The following LAMA3 variants were observed in gnomAD, a reference collection of about 807,000 sequenced individuals.
The protein encoded by LAMA3 is laminin subunit alpha 3.
Under a neutral mutation model 402.0 loss-of-function variants are expected in LAMA3, and 281 were observed. That is an observed-to-expected ratio of 0.70 (90% CI 0.63 to 0.77). The LOEUF is 0.77. LAMA3 is among the 30% of genes least tolerant of loss of function. The pLI, the probability that LAMA3 is intolerant of heterozygous loss-of-function variation, is 0.00. For missense variants in LAMA3, 3,840 were observed against 4,215.5 expected (o/e 0.91, Z 2.47); for synonymous variants, 1,431 against 1,558.4 (o/e 0.92, Z 1.93).
intron 12 of LAMA3, among the ~76,000 whole-genome samples, chr18:23,806,194 C>T (rs1319956504): frequency 1.3e-5 from 2 of 152,230 alleles, no homozygotes; most frequent in African/African-American, 4.8e-5. Flanking sequence ...ACTTGGCTGC[C>T]ACCAACCTGG....
At chr18:23,790,522 T>C (rs542336774) in intron 12 of LAMA3, among the ~76,000 whole-genome samples, 2 of 152,368 alleles carry the variant, frequency 1.3e-5, no homozygotes, top group African/African-American at 2.4e-5. Context: ...GGATTTTATC[T>C]GTGCTTCTGA....
At chr18:23,724,749 T>C (rs1353166429) in intron 2 of LAMA3, among the ~76,000 whole-genome samples, 1 of 152,234 alleles carries the variant, frequency 6.6e-6, no homozygotes, top group African/African-American at 2.4e-5. Context: ...GGCAAGCATA[T>C]ATAAGGAAAA....
chr18:23,750,656 G>T (rs1051750338), intron 4 of LAMA3, among the ~76,000 whole-genome samples: 4 of 151,806 alleles, frequency 2.6e-5, no homozygotes, highest in African/African-American at 9.7e-5. Context: ...ATAGAACAAA[G>T]GCTTTGAAAA....
At position 23,939,300 on chromosome 18, in the gene LAMA3, C is replaced by T. The variant is rs748453919; in HGVS notation, c.8940C>T (p.Thr2980=). ...ATGCTTGCTCACCACTTCCCAAGACCCAGGCCAATCATGGAGCCCTCCAGT... is the reference window on the plus strand; with the variant it reads ...ATGCTTGCTCACCACTTCCCAAGACTCAGGCCAATCATGGAGCCCTCCAGT... ...WQDACSPLPK[T]QANHGALQFG... Residue 2980 remains threonine (T), a synonymous_variant, in exon 68 of 75, where the codon ACC becomes ACT. Coordinates refer to ENST00000313654, the MANE Select transcript of LAMA3 (RefSeq NM_198129.4). 4.8e-5 allele frequency: 78 copies of T among 1,614,188 alleles called. No individual in the cohort carries two copies. In the East Asian group the frequency reaches 1.4e-3, roughly 30 times the overall value.
chr18:23,731,781 G>A (rs1394172876), intron 2 of LAMA3, among the ~76,000 whole-genome samples: 1 of 39,410 alleles, frequency 2.5e-5, no homozygotes, highest in Non-Finnish European at 1.1e-4. Context: ...AGGGAGGGAG[G>A]GGAAAGGGTT....
At chr18:23,931,567 G>A (rs2082165285) in intron 65 of LAMA3, 1 of 224,586 alleles carries the variant, frequency 4.5e-6, no homozygotes, top group African/African-American at 2.3e-5. Flanking sequence ...AAATTGTGGT[G>A]TATTCAAATG....
At chr18:23,887,700 A>G (rs911557359) in intron 41 of LAMA3, among the ~76,000 whole-genome samples, 1 of 152,250 alleles carries the variant, frequency 6.6e-6, no homozygotes, top group Non-Finnish European at 1.5e-5. Flanking sequence ...AATATAGATT[A>G]TGCAGGAGAC....
intron 41 of LAMA3, among the ~76,000 whole-genome samples, chr18:23,888,577 G>T (rs928153556): frequency 1.3e-5 from 2 of 152,040 alleles, no homozygotes; most frequent in Non-Finnish European, 2.9e-5. Flanking sequence ...AAGCACAGAG[G>T]GTTACAGCAA....
intron 29 of LAMA3, among the ~76,000 whole-genome samples, chr18:23,843,344 G>A (rs761341545): frequency 3.3e-5 from 5 of 152,120 alleles, no homozygotes; most frequent in Non-Finnish European, 5.9e-5. Context: ...TCTGCACCCT[G>A]CATAGCCCCG....
chr18:23,905,297 G>T (rs961735884), intron 51 of LAMA3, among the ~76,000 whole-genome samples: 4 of 152,008 alleles, frequency 2.6e-5, no homozygotes, highest in Non-Finnish European at 5.9e-5. Flanking sequence ...CACATAATTT[G>T]TCAGTATGCC....
intron 2 of LAMA3, among the ~76,000 whole-genome samples, chr18:23,729,297 G>C (rs149380509): frequency 1.3e-5 from 2 of 152,042 alleles, no homozygotes; most frequent in Non-Finnish European, 2.9e-5. Flanking sequence ...TGTATACTTC[G>C]TGTATGAATG....
At chr18:23,815,283 C>T in intron 16 of LAMA3, 43 bp downstream of exon 16, 1 of 1,567,274 alleles carries the variant, frequency 6.4e-7, no homozygotes, top group Non-Finnish European at 8.8e-7. Flanking sequence ...CAGAATGCTA[C>T]AGCAACTGCT....
intron 12 of LAMA3, among the ~76,000 whole-genome samples, chr18:23,791,136 A>G (rs2062644902): frequency 6.6e-6 from 1 of 152,124 alleles, no homozygotes; most frequent in Admixed American, 6.5e-5. Flanking sequence ...TCAGCCTCCC[A>G]AAGTGCTGGC....
Position 23,909,317 on chromosome 18 carries a change from C to CA in LAMA3, c.7158+23dup, listed in dbSNP as rs757503349. The CA allele has an allele frequency of 2.1e-5, 33 of 1,606,706 alleles. No individual in the cohort carries two copies. In the Admixed American group the frequency reaches 3.2e-4, roughly 15 times the overall value. On this transcript the variant is annotated intron_variant, in intron 55 of 74. Transcript: ENST00000313654. ...TAAGGTGAGTGTGTCCCCACGTGGT[C>CA]AGTGGCCAAGGCTAGTTCTTTAATG...
chr18:23,943,931 T>A lies in LAMA3; in HGVS notation c.9170T>A (p.Ile3057Asn). The part of the protein sequence containing the change: ...ALGTDGKKLR[I>N]KSKEKCNDGK... ...GGGACAGATGGGAAAAAATTGAGGA[T>A]CAAAAGCAAGGAGAAATGCAATGAT... The change falls in exon 69 of 75, where the codon ATC (isoleucine) becomes AAC (asparagine). Residue 3057 changes from isoleucine (I) to asparagine (N), a missense_variant. This residue lies in a region of LAMA3 where 840 missense variants were observed against 981.9 expected (regional missense o/e 0.86). Coordinates refer to ENST00000313654, the MANE Select transcript of LAMA3 (RefSeq NM_198129.4). The A allele has an allele frequency of 6.2e-7, 1 of 1,614,002 alleles. No homozygotes were observed. The highest frequency in any genetic ancestry group is 8.5e-7 in the Non-Finnish European group (1 of 1,179,954).
chr18:23,779,338 A>C (rs73969523), intron 11 of LAMA3, among the ~76,000 whole-genome samples: 3,124 of 152,254 alleles, frequency 0.021, 112 homozygotes, highest in African/African-American at 0.071. Flanking sequence ...TCCATAATCC[A>C]TGAGGAAGAG....
intron 40 of LAMA3, among the ~76,000 whole-genome samples, chr18:23,884,493 T>G (rs1291236293): frequency 6.6e-6 from 1 of 152,200 alleles, no homozygotes; most frequent in African/African-American, 2.4e-5. Flanking sequence ...TCTTCCAAAG[T>G]GAGTTACTCT....
intron 6 of LAMA3, among the ~76,000 whole-genome samples, chr18:23,756,517 C>T (rs2061848443): frequency 7.8e-6 from 1 of 127,406 alleles, no homozygotes; most frequent in Non-Finnish European, 1.6e-5. Flanking sequence ...CTTTCATATT[C>T]ACGATATTCA....
chr18:23,937,271 C>A (rs1040698461), intron 67 of LAMA3, among the ~76,000 whole-genome samples: 6 of 149,052 alleles, frequency 4.0e-5, no homozygotes, highest in African/African-American at 1.5e-4. Context: ...GAGGCTGAGG[C>A]AGGAGAATCA....
Sources: allele counts gnomAD v4.1 joint callset (sites outside exome capture counted in the v4.1 genomes callset), GRCh38; gene constraint gnomAD v4.1.1; regional missense constraint gnomAD v4.1.1; transcripts MANE v1.5; gene names NCBI Gene and HGNC (gene_info 2026-07-23, HGNC 2026-07-21).